The following ZNF695 variants were observed in gnomAD, a reference collection of about 807,000 sequenced individuals.
ZNF695 encodes the protein zinc finger protein 695.
In ZNF695, 11 loss-of-function variants were observed where a neutral mutation model predicts 11.2. The ratio of observed to expected loss-of-function variants is 0.98; its 90% CI spans 0.62 to 1.62. ZNF695 has a LOEUF of 1.62. Ranked by LOEUF, ZNF695 falls within the 40% of genes most tolerant of loss-of-function variation. The pLI is 0.00. For synonymous variants in ZNF695, 190 were observed against 201.4 expected (o/e 0.94, Z 0.48); for missense variants, 559 against 590.5 (o/e 0.95, Z 0.55).
At chr1:246,982,960 T>C (rs1297648834), downstream of ZNF695, among the ~76,000 whole-genome samples, 1 of 152,120 alleles carries the variant, frequency 6.6e-6, no homozygotes, top group African/African-American at 2.4e-5. Context: ...TCCCAGCACT[T>C]TGGGAGGCCG....
downstream of ZNF695, among the ~76,000 whole-genome samples, chr1:246,983,492 AAAATATAAATGACCTCAAACTCTCCAGTT>A (rs1668765953): frequency 6.6e-6 from 1 of 152,086 alleles, no homozygotes; most frequent in Non-Finnish European, 1.5e-5. Context: ...TCAGTTTTGT[AAAATATAAATGACCTCAAACTCTCCAGTT>A]AAAAGTCAAT....
chr1:246,949,583 C>T (rs1667821853), intron 5 of ZNF695, among the ~76,000 whole-genome samples: 2 of 143,332 alleles, frequency 1.4e-5, no homozygotes, highest in South Asian at 4.3e-4. Context: ...AGAGCAAGAC[C>T]CTGTCTCAAA....
At position 246,999,952 on chromosome 1, in the gene ZNF695, G is replaced by A; in HGVS notation, c.126C>T (p.Ser42=). ...GCATATTGAAGCTATCCTCACCAAG[G>A]GAGATCAGGTTTCTGTAGTTCTCTA... is the stretch of plus-strand genomic sequence containing the variant. ...VMLENYRNLI[S]LGEDSFNMQF... is the part of the protein sequence containing the mutation. The change falls in exon 2 of 4, where the codon TCC becomes TCT. Residue 42 remains serine (S), a synonymous_variant. Coordinates refer to ENST00000339986, the MANE Select transcript of ZNF695 (RefSeq NM_020394.5). 1 of 1,614,104 alleles carries A rather than the reference G, an allele frequency of 6.2e-7. No individual in the cohort carries two copies. The highest frequency in any genetic ancestry group is 8.5e-7 in the Non-Finnish European group (1 of 1,180,018).
intron 4 of ZNF695, among the ~76,000 whole-genome samples, chr1:246,973,144 G>C (rs1164679354): frequency 1.3e-5 from 2 of 151,748 alleles, no homozygotes; most frequent in Non-Finnish European, 2.9e-5. Flanking sequence ...CCACCTCCCA[G>C]GTTCAAGAGA....
At chr1:246,946,795 A>G (rs1667744236) in intron 5 of ZNF695, among the ~76,000 whole-genome samples, 1 of 152,250 alleles carries the variant, frequency 6.6e-6, no homozygotes, top group African/African-American at 2.4e-5. Flanking sequence ...CTCTCTTCAG[A>G]TAGTGAGATG....
intron 4 of ZNF695, among the ~76,000 whole-genome samples, chr1:246,973,700 T>C (rs10924877): frequency 0.029 from 4,340 of 152,274 alleles, 218 homozygotes; most frequent in African/African-American, 0.1. Context: ...TTAAGCCTCA[T>C]AACAACTTGA....
chr1:246,985,123 T>C (rs559295166), downstream of ZNF695, among the ~76,000 whole-genome samples: 1 of 152,336 alleles, frequency 6.6e-6, no homozygotes, highest in South Asian at 2.1e-4. Context: ...AGGTATGCAC[T>C]TACTTCAAAC....
intron 1 of ZNF695, among the ~76,000 whole-genome samples, chr1:247,007,350 G>A (rs1430478105): frequency 6.6e-6 from 1 of 151,960 alleles, no homozygotes; most frequent in African/African-American, 2.4e-5. Flanking sequence ...ACAAAAATTA[G>A]CTGGGCGTGG....
chr1:246,993,669 G>A (rs1669109393), intron 3 of ZNF695, among the ~76,000 whole-genome samples: 1 of 151,974 alleles, frequency 6.6e-6, no homozygotes, highest in South Asian at 2.1e-4. Context: ...CAACCCTAAA[G>A]AAATGGAGAT....
chr1:246,947,206 G>GGT (rs1558300051), intron 5 of ZNF695, among the ~76,000 whole-genome samples: 206 of 124,904 alleles, frequency 1.6e-3, no homozygotes, highest in African/African-American at 3.5e-3. Context: ...TGGGGGGGTG[G>GGT]TTTTTTTTTT....
chr1:246,975,636 G>A (rs1668538480), intron 4 of ZNF695, among the ~76,000 whole-genome samples: 1 of 152,206 alleles, frequency 6.6e-6, no homozygotes, highest in African/African-American at 2.4e-5. Context: ...AGTTTGGCAT[G>A]CAAATGCTGA....
downstream of ZNF695, among the ~76,000 whole-genome samples, chr1:246,984,009 A>G (rs1668776868): frequency 6.6e-6 from 1 of 151,576 alleles, no homozygotes; most frequent in South Asian, 2.1e-4. Context: ...AGAATTAGCT[A>G]GGAGTGGGGG....
intron 3 of ZNF695, chr1:246,995,906 A>G (rs991608113): frequency 3.1e-5 from 11 of 350,806 alleles, no homozygotes; most frequent in Non-Finnish European, 5.5e-5. Flanking sequence ...GAAACAGAAT[A>G]GAAAACACAG....
chr1:246,976,041 G>A (rs6673828), intron 4 of ZNF695, among the ~76,000 whole-genome samples: 40,013 of 152,054 alleles, frequency 0.26, 6,520 homozygotes, highest in African/African-American at 0.45. Flanking sequence ...AACAGTTTCT[G>A]TTTTCCCATG....
At position 246,985,453 on chromosome 1, in the gene ZNF695, T is replaced by C. The variant is rs1011189191; in HGVS notation, c.*1514A>G. On this transcript the variant is annotated 3_prime_UTR_variant, in exon 4 of 4. Transcript: ENST00000339986. The stretch of plus-strand genomic sequence containing the variant: ...CAAATTATTTGAAGTTTAATGCCAC[T>C]GGGAGAAGGGATCATTAGAGATACT... 23 of 985,272 alleles carry C rather than the reference T, an allele frequency of 2.3e-5. No homozygotes were observed. Among genetic ancestry groups the C allele is most frequent in the Non-Finnish European group, 2.8e-5 (23 of 829,918 alleles). The allele number at this position is 985,272 out of a possible 1,614,324, so 61.0% of individuals were successfully genotyped here.
downstream of ZNF695, among the ~76,000 whole-genome samples, chr1:246,980,963 T>G (rs995380351): frequency 1.3e-5 from 2 of 152,202 alleles, no homozygotes; most frequent in South Asian, 2.1e-4. Flanking sequence ...ATCAATGATA[T>G]GATGAGACAA....
intron 4 of ZNF695, among the ~76,000 whole-genome samples, chr1:246,971,678 T>C (rs1029466735): frequency 2.0e-5 from 3 of 152,200 alleles, no homozygotes; most frequent in African/African-American, 7.2e-5. Flanking sequence ...AAAACAAAGA[T>C]TATTATAATA....
intron 5 of ZNF695, among the ~76,000 whole-genome samples, chr1:246,946,451 C>G (rs545144461): frequency 6.6e-6 from 1 of 152,238 alleles, no homozygotes; most frequent in Non-Finnish European, 1.5e-5. Flanking sequence ...CATACCCTCT[C>G]GGACTTTTAC....
At position 246,970,138 on chromosome 1, in the gene ZNF695, G is replaced by T. The variant is rs184513164; in HGVS notation, c.391-2346C>A. The stretch of plus-strand genomic sequence containing the variant: ...CAGGTGTTTTTGAGTTTTAAATTAC[G>T]CATTAATTCAAAGTAAACTAGTGTT... On this transcript the variant is annotated intron_variant, in intron 4 of 5. Coordinates refer to the ZNF695 transcript ENST00000487338. 3.0e-3 allele frequency among the ~76,000 whole-genome samples: 453 copies of T among 152,260 alleles called. 1 individual carries two copies. The highest frequency in any genetic ancestry group is 4.1e-3 in the Non-Finnish European group (280 of 68,026).
Sources: allele counts gnomAD v4.1 joint callset (sites outside exome capture counted in the v4.1 genomes callset), GRCh38; gene constraint gnomAD v4.1.1; transcripts MANE v1.5; gene names NCBI Gene and HGNC (gene_info 2026-07-23, HGNC 2026-07-21).